DENND5B: variants seen among roughly 807,000 people sequenced by gnomAD.
The protein encoded by DENND5B is DENN domain containing 5B.
A neutral mutation model predicts 140.6 loss-of-function variants in DENND5B; 34 were observed. The ratio of observed to expected loss-of-function variants is 0.24; its 90% confidence interval spans 0.18 to 0.32. The LOEUF (loss-of-function observed/expected upper bound fraction) is 0.32, where lower values mean the gene tolerates loss of function less well. DENND5B is among the 10% of genes least tolerant of loss of function. The pLI, the probability that DENND5B is intolerant of heterozygous loss-of-function variation, is 1.00. For missense variants in DENND5B, 1,142 were observed against 1,560.2 expected, an observed-to-expected ratio of 0.73 and a Z score of 4.52; for synonymous variants, 551 against 562.1, an observed-to-expected ratio of 0.98 and a Z score of 0.28.
intron 11 of DENND5B, among the ~76,000 whole-genome samples, chr12:31,416,166 A>G (rs887507734): frequency 3.3e-5 from 5 of 151,956 alleles, no homozygotes; most frequent in African/African-American, 1.2e-4. Context: ...GTAATCTGGA[A>G]CTGCTTTTGG....
At chr12:31,527,825 T>C (rs951215370) in intron 1 of DENND5B, among the ~76,000 whole-genome samples, 1 of 152,160 alleles carries the variant, frequency 6.6e-6, no homozygotes, top group Non-Finnish European at 1.5e-5. Context: ...ATAGGCTTTA[T>C]GCAACATCAC....
intron 1 of DENND5B, among the ~76,000 whole-genome samples, chr12:31,551,104 T>C (rs1275485771): frequency 1.3e-5 from 2 of 152,104 alleles, no homozygotes; most frequent in African/African-American, 4.8e-5. Flanking sequence ...TTGTTGCCAT[T>C]GCTTTTGGTG....
intron 14 of DENND5B, among the ~76,000 whole-genome samples, chr12:31,405,511 CATGTATGTATGT>C (rs55808642): frequency 1.5e-3 from 218 of 144,704 alleles, no homozygotes; most frequent in African/African-American, 3.2e-3. Flanking sequence ...AGCCACCTGC[CATGTATGTATGT>C]ATGTATGTAT....
intron 1 of DENND5B, among the ~76,000 whole-genome samples, chr12:31,531,870 C>T (rs1441663160): frequency 6.6e-6 from 1 of 152,178 alleles, no homozygotes; most frequent in African/African-American, 2.4e-5. Context: ...TAGAGAGATA[C>T]TTGTAGGCTA....
intron 1 of DENND5B, among the ~76,000 whole-genome samples, chr12:31,568,955 G>C (rs1949721959): frequency 6.6e-6 from 1 of 151,618 alleles, no homozygotes. Flanking sequence ...CTGGTATGTT[G>C]CTCAGACTGG....
chr12:31,577,968 T>C (rs1454335499), intron 1 of DENND5B, among the ~76,000 whole-genome samples: 1 of 150,262 alleles, frequency 6.7e-6, no homozygotes, highest in East Asian at 2.0e-4. Flanking sequence ...CTACAAAAAA[T>C]ACAAAAATTA....
intron 1 of DENND5B, among the ~76,000 whole-genome samples, chr12:31,518,105 TG>T (rs923850599): frequency 6.6e-6 from 1 of 152,220 alleles, no homozygotes; most frequent in Admixed American, 6.5e-5. Flanking sequence ...ACTGAAGCTC[TG>T]GAAGTCAGAA....
chr12:31,494,201 C>T (rs200195506), intron 2 of DENND5B, among the ~76,000 whole-genome samples: 11,800 of 84,846 alleles, frequency 0.14, 854 homozygotes, highest in Middle Eastern at 0.17. Context: ...TCCATCCATC[C>T]ACCTACCTAC....
At chr12:31,420,178 G>T in intron 11 of DENND5B, 1 of 583,610 alleles carries the variant, frequency 1.7e-6, no homozygotes, top group Non-Finnish European at 2.2e-6. Context: ...CCAAGCTAGA[G>T]TGCAGTGGTG....
chr12:31,555,129 A>G (rs1949228254), intron 1 of DENND5B, among the ~76,000 whole-genome samples: 2 of 152,004 alleles, frequency 1.3e-5, no homozygotes, highest in Admixed American at 6.6e-5. Context: ...GAGGAGAGGC[A>G]CTCTGATTTT....
intron 1 of DENND5B, among the ~76,000 whole-genome samples, chr12:31,586,692 C>T (rs79480644): frequency 0.024 from 3,723 of 152,164 alleles, 164 homozygotes; most frequent in African/African-American, 0.085. Context: ...CAATGTCCCA[C>T]CACCTGCAGA....
intron 2 of DENND5B, among the ~76,000 whole-genome samples, chr12:31,491,219 G>A (rs905018976): frequency 1.3e-5 from 2 of 152,068 alleles, no homozygotes; most frequent in African/African-American, 4.8e-5. Context: ...CACAGAGGTC[G>A]AGGCGGGCAG....
intron 11 of DENND5B, among the ~76,000 whole-genome samples, chr12:31,418,531 C>A (rs1268941870): frequency 6.7e-6 from 1 of 149,914 alleles, no homozygotes; most frequent in African/African-American, 2.5e-5. Flanking sequence ...TGGACTCAAG[C>A]GATCTGCCTG....
chr12:31,567,916 T>C (rs1949686040), intron 1 of DENND5B, among the ~76,000 whole-genome samples: 1 of 152,222 alleles, frequency 6.6e-6, no homozygotes, highest in Non-Finnish European at 1.5e-5. Flanking sequence ...ACCAGGCTAG[T>C]CATGAACTCC....
At chr12:31,567,954 C>T (rs888264819) in intron 1 of DENND5B, among the ~76,000 whole-genome samples, 3 of 152,208 alleles carry the variant, frequency 2.0e-5, no homozygotes, top group Non-Finnish European at 4.4e-5. Flanking sequence ...ATCCTCCCAC[C>T]TCGGCCTTCC....
At chr12:31,527,261 G>A (rs916380745) in intron 1 of DENND5B, among the ~76,000 whole-genome samples, 8 of 152,110 alleles carry the variant, frequency 5.3e-5, no homozygotes, top group Non-Finnish European at 7.4e-5. Flanking sequence ...AGATCCTTGG[G>A]GGGAAGAGCT....
At chr12:31,548,344 T>G (rs1367833670) in intron 1 of DENND5B, among the ~76,000 whole-genome samples, 1 of 151,064 alleles carries the variant, frequency 6.6e-6, no homozygotes, top group Non-Finnish European at 1.5e-5. Context: ...CCGTGAGCTG[T>G]GATCGCTCTA....
At chr12:31,513,632 AC>A (rs1318859134) in intron 1 of DENND5B, among the ~76,000 whole-genome samples, 1 of 151,860 alleles carries the variant, frequency 6.6e-6, no homozygotes, top group Non-Finnish European at 1.5e-5. Context: ...CATTTGATGC[AC>A]CCCCATCTAT....
At chr12:31,564,094 G>C (rs1949555534) in intron 1 of DENND5B, among the ~76,000 whole-genome samples, 1 of 151,998 alleles carries the variant, frequency 6.6e-6, no homozygotes, top group African/African-American at 2.4e-5. Context: ...CTCCAGCCTG[G>C]GCAACAGAGC....
Sources: allele counts gnomAD v4.1 joint callset (sites outside exome capture counted in the v4.1 genomes callset), GRCh38; gene constraint gnomAD v4.1.1; transcripts MANE v1.5; gene names NCBI Gene and HGNC (gene_info 2026-07-23, HGNC 2026-07-21).